VSIG1: variants seen among roughly 807,000 people sequenced by gnomAD.
VSIG1 encodes V-set and immunoglobulin domain-containing protein 1.
Under a neutral mutation model 20.1 loss-of-function variants are expected in VSIG1, and 11 were observed. The ratio of observed to expected loss-of-function variants is 0.55; its 90% CI spans 0.34 to 0.91. VSIG1 has a LOEUF of 0.91. Among genes scored for constraint, VSIG1 ranks in the 40% least tolerant of loss-of-function variants. The probability of loss-of-function intolerance (pLI) is 0.02; values close to 1 mark genes in which losing one functional copy is unlikely to be tolerated. For synonymous variants in VSIG1, 126 were observed against 116.7 expected (o/e 1.08, Z -0.52); for missense variants, 283 against 298.8 (o/e 0.95, Z 0.39).
chrX:108,035,697 G>T, the VSIG1 span, among the ~76,000 whole-genome samples: 1 of 110,926 alleles, frequency 9.0e-6, no homozygotes, highest in East Asian at 2.8e-4. Flanking sequence ...GTAGCATAAT[G>T]CAGCTATTCA....
At position 108,066,986 on chromosome X, in the gene VSIG1, T is replaced by G; in HGVS notation, c.264T>G (p.Asp88Glu). ...CTGTAGCCATCGGGCAATTTAAAGA[T>G]CGAATTACAGGGTCCAACGATCCAG... ...GQAVAIGQFK[D>E]RITGSNDPGN... Residue 88 changes from aspartate (D) to glutamate (E), a missense_variant, in exon 3 of 7, where the codon GAT becomes GAG. Physicochemically the swap from Asp to Glu is conservative, Grantham distance 45. Transcript: ENST00000217957. 1 of 1,211,404 alleles carries G rather than the reference T, an allele frequency of 8.3e-7. No homozygotes were observed. Among genetic ancestry groups the G allele is most frequent in the Non-Finnish European group, 1.1e-6 (1 of 895,309 alleles).
At chrX:108,023,047 G>A in the VSIG1 span, among the ~76,000 whole-genome samples, 33 of 111,973 alleles carry the variant, frequency 2.9e-4, no homozygotes, top group Middle Eastern at 4.2e-3. Flanking sequence ...CCAAATAAAT[G>A]TCTTTTCTTT....
At chrX:108,041,575 T>C (rs1010970469), upstream of VSIG1, among the ~76,000 whole-genome samples, 3 of 109,643 alleles carry the variant, frequency 2.7e-5, no homozygotes, top group Non-Finnish European at 5.7e-5. Context: ...TGTGTGTGTG[T>C]GTGTGTGTGT....
chrX:108,078,085 A>T lies in VSIG1; in HGVS notation c.*704A>T, dbSNP rs1165247931. The T allele has an allele frequency of 8.9e-6, 1 of 112,330 alleles. No individual in the cohort carries two copies. Among genetic ancestry groups the T allele is most frequent in the Non-Finnish European group, 1.9e-5 (1 of 53,304 alleles). The allele number at this position is 112,330 out of a possible 1,213,427, so 9.3% of individuals were successfully genotyped here. A position where few individuals can be genotyped will look rare whatever the true frequency, so the allele number is the denominator to read the frequency against. On this transcript the variant is annotated 3_prime_UTR_variant, in exon 7 of 7. Coordinates refer to ENST00000217957, the MANE Select transcript of VSIG1 (RefSeq NM_182607.5). ...TAGATTCAATATTATTTCTAGGAAT[A>T]GTTCCTCATTCATTTTTATATTGAC...
At chrX:108,051,079 G>T (rs886459168) in intron 1 of VSIG1, among the ~76,000 whole-genome samples, 3 of 111,065 alleles carry the variant, frequency 2.7e-5, no homozygotes, top group Admixed American at 9.5e-5. Context: ...CAGGTAAGGG[G>T]GGATCTTCAG....
rs1286125586 is a variant in VSIG1, at chrX:108,078,312, A to T, written c.*931A>T. 3 of 112,332 alleles carry T rather than the reference A, an allele frequency of 2.7e-5. No homozygotes were observed. Among genetic ancestry groups the T allele is most frequent in the Non-Finnish European group, 5.6e-5 (3 of 53,251 alleles). The allele number at this position is 112,332 out of a possible 1,213,427, so 9.3% of individuals were successfully genotyped here. A position where few individuals can be genotyped will look rare whatever the true frequency, so the allele number is the denominator to read the frequency against. On this transcript the variant is annotated 3_prime_UTR_variant, in exon 7 of 7. Transcript: ENST00000217957. ...ATATCTGAGCATGGCAAATTTAAAA[A>T]ATAACACAATTTCTTGCCTGTAACC... is the stretch of plus-strand genomic sequence containing the variant.
the VSIG1 span, among the ~76,000 whole-genome samples, chrX:108,021,637 G>A: frequency 1.8e-5 from 2 of 112,263 alleles, no homozygotes; most frequent in African/African-American, 6.5e-5. Context: ...CTAATCCAAA[G>A]TACGAAGATT....
In VSIG1 at chrX:108,052,345, T is replaced by A. The variant is rs372701238; in HGVS notation, c.50-5693T>A. 5.9e-4 allele frequency among the ~76,000 whole-genome samples: 66 copies of A among 111,662 alleles called. 2 individuals carry two copies. In the East Asian group the frequency reaches 8.5e-3, roughly 14 times the overall value. On this transcript the variant is annotated intron_variant, in intron 1 of 6. Transcript: ENST00000217957. Reference sequence around the variant, plus strand: ...CAGATGTGGTGGCTCATGCCTGTAATCCCGCCACTTTGGGAGGCCAAGGAA... The same window carrying A: ...CAGATGTGGTGGCTCATGCCTGTAAACCCGCCACTTTGGGAGGCCAAGGAA...
the VSIG1 span, among the ~76,000 whole-genome samples, chrX:108,019,890 A>C: frequency 1.8e-5 from 2 of 111,144 alleles, no homozygotes; most frequent in African/African-American, 3.3e-5. Context: ...GGATTTTAGG[A>C]ACCTGAAGCA....
At chrX:108,054,271 AC>A (rs1464782282) in intron 1 of VSIG1, among the ~76,000 whole-genome samples, 1 of 111,674 alleles carries the variant, frequency 9.0e-6, no homozygotes, top group Admixed American at 9.5e-5. Flanking sequence ...AAATTCATGA[AC>A]AAAAACTGAT....
chrX:108,052,095 G>A, intron 1 of VSIG1, among the ~76,000 whole-genome samples: 1 of 111,108 alleles, frequency 9.0e-6, no homozygotes, highest in Non-Finnish European at 1.9e-5. Flanking sequence ...TGATAATAAT[G>A]TATGTGCATT....
At chrX:108,041,554 G>C (rs1049562545), upstream of VSIG1, among the ~76,000 whole-genome samples, 1 of 24,104 alleles carries the variant, frequency 4.1e-5, no homozygotes, top group Non-Finnish European at 1.0e-4. Context: ...AAAAAACCTC[G>C]TGTGTGTGTG....
intron 3 of VSIG1, among the ~76,000 whole-genome samples, chrX:108,069,665 C>T (rs151327550): frequency 0.026 from 2,873 of 111,687 alleles, 92 homozygotes; most frequent in African/African-American, 0.089. Flanking sequence ...TGCATTTACT[C>T]GTTCATGCAT....
upstream of VSIG1, among the ~76,000 whole-genome samples, chrX:108,042,569 G>A (rs536360737): frequency 8.9e-6 from 1 of 111,865 alleles, no homozygotes; most frequent in Middle Eastern, 4.6e-3. Context: ...AACACAGGAA[G>A]CTTCTGGCTT....
At chrX:108,018,898 C>T in the VSIG1 span, among the ~76,000 whole-genome samples, 3 of 111,560 alleles carry the variant, frequency 2.7e-5, no homozygotes, top group Non-Finnish European at 5.7e-5. Context: ...TTTGGGCCCT[C>T]GTGGTGGTAA....
At chrX:108,050,165 T>A (rs1055705688) in intron 1 of VSIG1, among the ~76,000 whole-genome samples, 9 of 112,223 alleles carry the variant, frequency 8.0e-5, no homozygotes, top group Non-Finnish European at 1.5e-4. Context: ...AGTACAACGA[T>A]TTTTTTTCTT....
intron 2 of VSIG1, chrX:108,061,590 G>C: frequency 1.0e-6 from 1 of 978,638 alleles, no homozygotes; most frequent in South Asian, 2.1e-5. Context: ...GAGACTCCAG[G>C]GCACTGGCAC....
At chrX:108,064,498 A>G (rs1409644457) in intron 2 of VSIG1, among the ~76,000 whole-genome samples, 1 of 111,789 alleles carries the variant, frequency 8.9e-6, no homozygotes, top group African/African-American at 3.3e-5. Context: ...GCATGGACAC[A>G]TGGATACAGT....
intron 1 of VSIG1, among the ~76,000 whole-genome samples, chrX:108,053,777 C>G (rs185910291): frequency 1.2e-4 from 13 of 111,267 alleles, no homozygotes; most frequent in African/African-American, 4.2e-4. Flanking sequence ...TGTGTGAACA[C>G]AATCACATAA....
Sources: gnomAD v4.1 joint callset for allele counts (sites outside exome capture counted in the v4.1 genomes callset) on GRCh38, gnomAD v4.1.1 for gene constraint, MANE v1.5 for transcripts, NCBI Gene and HGNC (gene_info 2026-07-23, HGNC 2026-07-21) for gene names.